MARVELD2: variants seen among roughly 807,000 people sequenced by gnomAD.
MARVELD2 encodes the protein MARVEL domain-containing protein 2.
A neutral mutation model predicts 57.6 loss-of-function variants in MARVELD2; 49 were observed. The observed-to-expected ratio is 0.85, with a 90% CI of 0.68 to 1.08. The LOEUF (loss-of-function observed/expected upper bound fraction) is 1.08, where lower values mean the gene tolerates loss of function less well. Among genes scored for constraint, MARVELD2 ranks in the 50% least tolerant of loss-of-function variants. The pLI, the probability that MARVELD2 is intolerant of heterozygous loss-of-function variation, is 0.00. For missense variants in MARVELD2, 606 were observed against 701.1 expected (o/e 0.86, Z 1.53); for synonymous variants, 238 against 258.8 (o/e 0.92, Z 0.77).
chr5:69,415,581 G>C (rs1262225019), intron 1 of MARVELD2: 1 of 152,360 alleles, frequency 6.6e-6, no homozygotes. Flanking sequence ...AGGCTGGCGC[G>C]GGGGAGACCC....
chr5:69,435,792 G>A (rs983012064), intron 5 of MARVELD2, among the ~76,000 whole-genome samples: 6 of 145,268 alleles, frequency 4.1e-5, no homozygotes, highest in South Asian at 4.4e-4. Context: ...AACCCTTTAC[G>A]AATTAGCAGT....
rs1414310356 is a variant in MARVELD2, at chr5:69,419,451, C to T, written c.66C>T (p.Pro22=). 1 of 1,614,144 alleles carries T rather than the reference C, an allele frequency of 6.2e-7. No individual in the cohort carries two copies. Among genetic ancestry groups the T allele is most frequent in the Admixed American group, 1.7e-5 (1 of 60,016 alleles). Residue 22 remains proline (P), a synonymous_variant, in exon 2 of 7, where the codon CCC becomes CCT. Coordinates refer to ENST00000325631, the MANE Select transcript of MARVELD2 (RefSeq NM_001038603.3). ...ACGATGAGGTCCCAAGCGACCTGCC[C>T]TATCAAGATACCACCATAAGAACCC... The part of the protein sequence containing the change: ...RRYDEVPSDL[P]YQDTTIRTHP...
intron 1 of MARVELD2, chr5:69,419,036 A>G: frequency 2.7e-6 from 1 of 364,900 alleles, no homozygotes; most frequent in South Asian, 3.0e-5. Flanking sequence ...CAAGCGGTCT[A>G]TACCTCAGCC....
intron 5 of MARVELD2, among the ~76,000 whole-genome samples, chr5:69,436,293 G>A (rs1020490518): frequency 6.6e-6 from 1 of 151,748 alleles, no homozygotes; most frequent in Non-Finnish European, 1.5e-5. Flanking sequence ...CCCGGGAGGC[G>A]GAGGTTGCAG....
Position 69,442,205 on chromosome 5 carries a change from G to GGACC in MARVELD2, c.*552_*555dup, listed in dbSNP as rs1767348306. 1 of 152,150 alleles carries GGACC rather than the reference G, an allele frequency of 6.6e-6. No homozygotes were observed. 9.4% of individuals were successfully genotyped at this position (152,150 alleles called of 1,614,324 possible). ...TATCCTGGCAGTGTGATGGGCAAGTGGACCATCAATTCTGGTGCTACTTTT... is the reference window on the plus strand; with the variant it reads ...TATCCTGGCAGTGTGATGGGCAAGTGGACCGACCATCAATTCTGGTGCTACTTTT... On this transcript the variant is annotated 3_prime_UTR_variant, in exon 7 of 7. Transcript: ENST00000325631.
chr5:69,432,988 T>G lies in MARVELD2; in HGVS notation c.1398T>G (p.Phe466Leu). 1 of 1,614,182 alleles carries G rather than the reference T, an allele frequency of 6.2e-7. No homozygotes were observed. Among genetic ancestry groups the G allele is most frequent in the East Asian group, 2.2e-5 (1 of 44,884 alleles). The change falls in exon 5 of 7, where the codon TTT becomes TTG. Residue 466 changes from phenylalanine (F) to leucine (L), a missense_variant. By Grantham distance (22) the Phe-to-Leu change is conservative. Coordinates refer to ENST00000325631, the MANE Select transcript of MARVELD2 (RefSeq NM_001038603.3). Reference sequence around the variant, plus strand: ...ATAAAGCTGTGTTCCAAGACCAGTTTTCAGAGTACAAAGAGCTGTCTGCAG... The same window carrying G: ...ATAAAGCTGTGTTCCAAGACCAGTTGTCAGAGTACAAAGAGCTGTCTGCAG... Reference protein sequence around the residue: ...ERYKAVFQDQFSEYKELSAEV... With the variant: ...ERYKAVFQDQLSEYKELSAEV...
At position 69,441,921 on chromosome 5, in the gene MARVELD2, A is replaced by T; in HGVS notation, c.*267A>T. The T allele has an allele frequency of 4.0e-6, 1 of 248,722 alleles. No individual in the cohort carries two copies. The highest frequency in any genetic ancestry group is 7.8e-6 in the Non-Finnish European group (1 of 127,420). 15.4% of individuals were successfully genotyped at this position (248,722 alleles called of 1,614,324 possible). ...GTCAGGCTGGGAAACTACTTTTTTT[A>T]AAAAATAGCAAGTTTACTATTTATT... On this transcript the variant is annotated 3_prime_UTR_variant, in exon 7 of 7. Coordinates refer to ENST00000325631, the MANE Select transcript of MARVELD2 (RefSeq NM_001038603.3).
chr5:69,426,624 C>T (rs1039210972), intron 3 of MARVELD2, among the ~76,000 whole-genome samples: 3 of 152,084 alleles, frequency 2.0e-5, no homozygotes, highest in Non-Finnish European at 2.9e-5. Context: ...TGAGTCACCG[C>T]GCCCGGCCTG....
At position 69,443,569 on chromosome 5, in the gene MARVELD2, A is replaced by G. The variant is rs1767387567; in HGVS notation, c.*1915A>G. The G allele has an allele frequency of 6.6e-6, 1 of 152,190 alleles. No individual in the cohort carries two copies. Among genetic ancestry groups the G allele is most frequent in the Admixed American group, 6.6e-5 (1 of 15,264 alleles). The allele number at this position is 152,190 out of a possible 1,614,324, so 9.4% of individuals were successfully genotyped here. On this transcript the variant is annotated 3_prime_UTR_variant, in exon 7 of 7. Coordinates refer to ENST00000325631, the MANE Select transcript of MARVELD2 (RefSeq NM_001038603.3). ...TCATAAATGTTTTATTTCTGTTAGT[A>G]TGAACAATAGACTGCCTTAACAAAG...
intron 3 of MARVELD2, among the ~76,000 whole-genome samples, chr5:69,431,022 A>C (rs1766946523): frequency 6.6e-6 from 1 of 150,962 alleles, no homozygotes; most frequent in African/African-American, 2.4e-5. Flanking sequence ...TCCTGGCCTC[A>C]AGTGATCCTC....
At chr5:69,425,399 A>AT (rs1244469232) in intron 3 of MARVELD2, among the ~76,000 whole-genome samples, 4 of 144,422 alleles carry the variant, frequency 2.8e-5, no homozygotes, top group East Asian at 4.0e-4. Context: ...TATAATAAAA[A>AT]AATATATATA....
intron 2 of MARVELD2, among the ~76,000 whole-genome samples, chr5:69,420,836 A>T (rs1766607477): frequency 6.6e-6 from 1 of 152,162 alleles, no homozygotes; most frequent in African/African-American, 2.4e-5. Context: ...GGAAAGATAC[A>T]GCTACCGAAT....
At position 69,419,741 on chromosome 5, in the gene MARVELD2, C is replaced by T. The variant is rs1351136752; in HGVS notation, c.356C>T (p.Ala119Val). 2 of 1,614,014 alleles carry T rather than the reference C, an allele frequency of 1.2e-6. No homozygotes were observed. The highest frequency in any genetic ancestry group is 2.7e-5 in the African/African-American group (2 of 74,914). Residue 119 changes from alanine (A) to valine (V), a missense_variant, in exon 2 of 7, where the codon GCC (alanine) becomes GTC (valine). Transcript: ENST00000325631. ...ISDGVECSPP[A>V]SPARPNHRSP... ...GATGGAGTGGAGTGTTCACCACCAG[C>T]CTCTCCAGCAAGACCAAACCACCGT...
At chr5:69,441,442 G>A in intron 6 of MARVELD2, 90 bp from the exon 7 acceptor site, 1 of 1,476,208 alleles carries the variant, frequency 6.8e-7, no homozygotes, top group Non-Finnish European at 9.3e-7. Context: ...CTTTTGCTAT[G>A]TATGATCATT....
chr5:69,420,308 C>T lies in MARVELD2; in HGVS notation c.923C>T (p.Ala308Val), dbSNP rs781166962. 1 of 1,614,136 alleles carries T rather than the reference C, an allele frequency of 6.2e-7. No individual in the cohort carries two copies. The highest frequency in any genetic ancestry group is 8.5e-7 in the Non-Finnish European group (1 of 1,180,016). Residue 308 changes from alanine (A) to valine (V), a missense_variant, in exon 2 of 7, where the codon GCC becomes GTC. Physicochemically the swap from Ala to Val is moderately conservative, Grantham distance 64 (BLOSUM62 0). Coordinates refer to ENST00000325631, the MANE Select transcript of MARVELD2 (RefSeq NM_001038603.3). ...VALFILYMAA[A>V]IVYVNDTNRG... ...TTGTTTATTTTGTATATGGCCGCAG[C>T]CATAGTCTATGTGAATGATACCAAC...
At chr5:69,420,701 A>C (rs1468101378) in intron 2 of MARVELD2, among the ~76,000 whole-genome samples, 170 bp downstream of exon 2, 1 of 150,126 alleles carries the variant, frequency 6.7e-6, no homozygotes, top group Non-Finnish European at 1.5e-5. Context: ...CTAGTGCAAT[A>C]TCTGACATGC....
intron 5 of MARVELD2, among the ~76,000 whole-genome samples, chr5:69,439,067 A>C (rs1320205064): frequency 6.7e-6 from 1 of 149,756 alleles, no homozygotes; most frequent in Non-Finnish European, 1.5e-5. Flanking sequence ...TGTCTCAAAA[A>C]AAAAAAAAAA....
chr5:69,421,956 T>C (rs893462679), intron 2 of MARVELD2, among the ~76,000 whole-genome samples: 2 of 152,152 alleles, frequency 1.3e-5, no homozygotes, highest in Admixed American at 6.6e-5. Flanking sequence ...CCCAAATTAA[T>C]ACTTTTATAA....
chr5:69,440,474 C>T lies in MARVELD2; in HGVS notation c.1528C>T (p.His510Tyr), dbSNP rs746058672. The T allele has an allele frequency of 2.8e-6, 4 of 1,440,732 alleles. No homozygotes were observed. In the East Asian group the frequency reaches 9.2e-5, roughly 33 times the overall value. The allele number at this position is 1,440,732 out of a possible 1,614,324, so 89.2% of individuals were successfully genotyped here. A position where few individuals can be genotyped will look rare whatever the true frequency, so the allele number is the denominator to read the frequency against. The stretch of plus-strand genomic sequence containing the variant: ...GGAACATGAGAGAATTTCAAGAATC[C>T]ATGAAGAGTTTAAGAAAAAAAAGAA... ...RQEHERISRI[H>Y]EEFKKKKNDP... Residue 510 changes from histidine (H) to tyrosine (Y), a missense_variant, in exon 6 of 7, where the codon CAT becomes TAT. His to Tyr is a moderately conservative substitution (Grantham distance 83). Coordinates refer to ENST00000325631, the MANE Select transcript of MARVELD2 (RefSeq NM_001038603.3).
Sources: allele counts gnomAD v4.1 joint callset (sites outside exome capture counted in the v4.1 genomes callset), GRCh38; gene constraint gnomAD v4.1.1; transcripts MANE v1.5; gene names NCBI Gene and HGNC (gene_info 2026-07-23, HGNC 2026-07-21).